CLVS1: variants seen among roughly 807,000 people sequenced by gnomAD.
The protein encoded by CLVS1 is clavesin-1.
In CLVS1, 10 loss-of-function variants were observed where a neutral mutation model predicts 33.1. That is an observed-to-expected ratio of 0.30 (90% CI 0.19 to 0.51). The LOEUF (loss-of-function observed/expected upper bound fraction) is 0.51, where lower values mean the gene tolerates loss of function less well. Among genes scored for constraint, CLVS1 ranks in the 20% least tolerant of loss-of-function variants. The pLI is 0.97. For synonymous variants in CLVS1, 163 were observed against 166.1 expected (o/e 0.98, Z 0.14); for missense variants, 343 against 433.4 (o/e 0.79, Z 1.85).
At chr8:60,991,739 C>T in the CLVS1 span, among the ~76,000 whole-genome samples, 1 of 145,646 alleles carries the variant, frequency 6.9e-6, no homozygotes, top group African/African-American at 2.6e-5. Context: ...TGATCAAGCC[C>T]CACTCTTTTT....
Position 61,099,088 on chromosome 8 carries a change from A to G in CLVS1, c.-242-32682A>G, listed in dbSNP as rs75760256. On this transcript the variant is annotated intron_variant, in intron 1 of 2. Coordinates refer to the CLVS1 transcript ENST00000522621. Reference sequence around the variant, plus strand: ...AGCAGAAATGAAACTTGAACTTCATAAGGGTTAGGATTCAGTTCATAACTG... The same window carrying G: ...AGCAGAAATGAAACTTGAACTTCATGAGGGTTAGGATTCAGTTCATAACTG... Among the ~76,000 whole-genome samples, 198 of 152,298 alleles carry G rather than the reference A, an allele frequency of 1.3e-3. 1 individual carries two copies. In the East Asian group the frequency reaches 0.025, roughly 19 times the overall value.
intron 2 of CLVS1, among the ~76,000 whole-genome samples, chr8:61,252,469 C>T (rs1409919785): frequency 6.6e-6 from 1 of 152,094 alleles, no homozygotes; most frequent in East Asian, 1.9e-4. Context: ...TCCTGAATAT[C>T]CTTGTTAATT....
At chr8:61,030,508 T>G in the CLVS1 span, among the ~76,000 whole-genome samples, 1 of 152,198 alleles carries the variant, frequency 6.6e-6, no homozygotes, top group Admixed American at 6.5e-5. Flanking sequence ...ACACACTCTG[T>G]GTTCAGACCC....
At chr8:61,244,165 G>C (rs1280239897) in intron 2 of CLVS1, among the ~76,000 whole-genome samples, 2 of 150,944 alleles carry the variant, frequency 1.3e-5, no homozygotes, top group Non-Finnish European at 3.0e-5. Flanking sequence ...GTAGGGGGCA[G>C]TGCAGTATAG....
At chr8:61,012,713 C>G in the CLVS1 span, among the ~76,000 whole-genome samples, 2 of 152,216 alleles carry the variant, frequency 1.3e-5, no homozygotes, top group Non-Finnish European at 2.9e-5. Flanking sequence ...TGTGCTCCCC[C>G]GCTCTTTCCA....
At position 61,156,293 on chromosome 8, in the gene CLVS1, G is replaced by A. The variant is rs531093864; in HGVS notation, c.-152+24433G>A. Among the ~76,000 whole-genome samples, 3 of 147,382 alleles carry A rather than the reference G, an allele frequency of 2.0e-5. No homozygotes were observed. The East Asian group carries it at 6.0e-4, about 30-fold the overall frequency. On this transcript the variant is annotated intron_variant, in intron 2 of 2. Transcript: ENST00000522621. Reference sequence around the variant, plus strand: ...TCACCTGGGTCTCCACCTCCCCCGAGAAGCTCTATGCCCCTATTCATTCTG... The same window carrying A: ...TCACCTGGGTCTCCACCTCCCCCGAAAAGCTCTATGCCCCTATTCATTCTG...
chr8:61,292,599 C>T (rs191195622), intron 1 of CLVS1: 1 of 319,876 alleles, frequency 3.1e-6, no homozygotes, highest in Admixed American at 3.8e-5. Context: ...CCATTGATAC[C>T]CCTAGGAAGC....
chr8:61,500,686 A>G lies in CLVS1; in HGVS notation c.*1144A>G, dbSNP rs1017662324. 6.6e-6 allele frequency: 1 copy of G among 152,232 alleles called. No homozygotes were observed. The highest frequency in any genetic ancestry group is 1.5e-5 in the Non-Finnish European group (1 of 68,042). The allele number at this position is 152,232 out of a possible 1,614,324, so 9.4% of individuals were successfully genotyped here. A position where few individuals can be genotyped will look rare whatever the true frequency, so the allele number is the denominator to read the frequency against. On this transcript the variant is annotated 3_prime_UTR_variant, in exon 6 of 6. Transcript: ENST00000325897. ...TATCCTTACTTGTGCCATGTTTTCC[A>G]AGACCAGTGCATATTTTTAGACATC...
intron 5 of CLVS1, among the ~76,000 whole-genome samples, chr8:61,486,492 G>A (rs952125804): frequency 6.6e-6 from 1 of 152,154 alleles, no homozygotes; most frequent in African/African-American, 2.4e-5. Context: ...CCTTTAATTT[G>A]AACCAATGTA....
intron 3 of CLVS1, among the ~76,000 whole-genome samples, chr8:61,424,420 A>C (rs905826198): frequency 5.3e-5 from 8 of 152,238 alleles, no homozygotes; most frequent in African/African-American, 1.7e-4. Context: ...AAACACATAG[A>C]TGTCAAACTA....
chr8:61,356,723 G>T (rs1188467094), intron 2 of CLVS1, among the ~76,000 whole-genome samples: 2 of 152,160 alleles, frequency 1.3e-5, no homozygotes, highest in Non-Finnish European at 2.9e-5. Flanking sequence ...TCAGATAGTT[G>T]TAGATGTGCG....
At chr8:61,312,832 G>T (rs1810878457) in intron 2 of CLVS1, among the ~76,000 whole-genome samples, 1 of 152,100 alleles carries the variant, frequency 6.6e-6, no homozygotes, top group East Asian at 1.9e-4. Flanking sequence ...AATTATGTTT[G>T]GGGCCTGCTG....
intron 1 of CLVS1, among the ~76,000 whole-genome samples, chr8:61,088,315 C>T (rs923811854): frequency 6.6e-6 from 1 of 151,924 alleles, no homozygotes; most frequent in African/African-American, 2.4e-5. Context: ...ATGGTGAAAC[C>T]ACATCTCTAT....
intron 2 of CLVS1, among the ~76,000 whole-genome samples, chr8:61,224,083 G>T (rs893400227): frequency 3.3e-5 from 5 of 152,042 alleles, no homozygotes; most frequent in Non-Finnish European, 7.4e-5. Context: ...TTTTATCAAG[G>T]TTCTTACTTC....
At chr8:61,415,107 G>T (rs979879594) in intron 3 of CLVS1, among the ~76,000 whole-genome samples, 3 of 152,342 alleles carry the variant, frequency 2.0e-5, no homozygotes, top group Admixed American at 6.5e-5. Context: ...AATTATGCTC[G>T]CTGGCTCTTG....
intron 2 of CLVS1, among the ~76,000 whole-genome samples, chr8:61,225,720 A>G (rs1554547745): frequency 6.6e-6 from 1 of 152,254 alleles, no homozygotes; most frequent in Non-Finnish European, 1.5e-5. Context: ...AATGCATTCT[A>G]TAAGCCAGCA....
In CLVS1 at chr8:61,401,928, A is replaced by G. The variant is rs988598023; in HGVS notation, c.630+25149A>G. Among the ~76,000 whole-genome samples the G allele has an allele frequency of 3.9e-5, 6 of 152,262 alleles. No individual in the cohort carries two copies. In the South Asian group the frequency reaches 1.0e-3, roughly 26 times the overall value. On this transcript the variant is annotated intron_variant, in intron 3 of 5. Transcript: ENST00000325897. ...TATGTATTCTCATAACATAATGCAC[A>G]TATTTTCATGCTAGAATTAAACTTA...
chr8:61,184,828 A>C (rs929757142), intron 2 of CLVS1, among the ~76,000 whole-genome samples: 4 of 152,214 alleles, frequency 2.6e-5, no homozygotes, highest in African/African-American at 9.7e-5. Flanking sequence ...GTAAGGAAGT[A>C]CTCAGAAAGA....
At chr8:61,357,725 T>C (rs1324345304) in intron 2 of CLVS1, among the ~76,000 whole-genome samples, 1 of 151,706 alleles carries the variant, frequency 6.6e-6, no homozygotes, top group Non-Finnish European at 1.5e-5. Flanking sequence ...CAAGCTGGTC[T>C]TCAACTCTGT....
Sources: gnomAD v4.1 joint callset for allele counts (sites outside exome capture counted in the v4.1 genomes callset) on GRCh38, gnomAD v4.1.1 for gene constraint, MANE v1.5 for transcripts, NCBI Gene and HGNC (gene_info 2026-07-23, HGNC 2026-07-21) for gene names.